The following NLRP3 variants were observed in gnomAD, a reference collection of about 807,000 sequenced individuals.
NLRP3 encodes NLR family pyrin domain containing 3, also known as NACHT, LRR and PYD domains-containing protein 3.
In NLRP3, 48 loss-of-function variants were observed where a neutral mutation model predicts 91.3. The observed-to-expected ratio is 0.53, with a 90% CI of 0.42 to 0.67. The LOEUF is 0.67. NLRP3 is among the 30% of genes least tolerant of loss of function. The probability of loss-of-function intolerance (pLI) is 0.00; values close to 1 mark genes in which losing one functional copy is unlikely to be tolerated. For missense variants in NLRP3, 982 were observed against 1,276.9 expected (o/e 0.77, Z 3.52); for synonymous variants, 561 against 507.9 (o/e 1.10, Z -1.41).
intron 4 of NLRP3, among the ~76,000 whole-genome samples, chr1:247,426,677 G>A (rs1186823981): frequency 6.6e-6 from 1 of 152,232 alleles, no homozygotes; most frequent in Non-Finnish European, 1.5e-5. Flanking sequence ...CCTGGTCACA[G>A]GGACTTGAGG....
chr1:247,435,841 A>T, intron 6 of NLRP3, 129 bp from the exon 7 acceptor site: 1 of 845,980 alleles, frequency 1.2e-6, no homozygotes, highest in South Asian at 1.4e-5. Context: ...AGAAGTGTAC[A>T]TAGAGCTTGT....
chr1:247,422,104 C>T (rs573320197), intron 2 of NLRP3, among the ~76,000 whole-genome samples: 8 of 152,028 alleles, frequency 5.3e-5, no homozygotes, highest in Middle Eastern at 3.4e-3. Context: ...ATGGGCTGGG[C>T]GCAGTGGCTT....
At chr1:247,431,394 C>T (rs1663311271) in intron 5 of NLRP3, among the ~76,000 whole-genome samples, 1 of 152,040 alleles carries the variant, frequency 6.6e-6, no homozygotes, top group South Asian at 2.1e-4. Context: ...TTGCTACCTC[C>T]CTCTCCGGCT....
chr1:247,433,185 C>A (rs553002967), intron 5 of NLRP3, among the ~76,000 whole-genome samples: 2 of 151,194 alleles, frequency 1.3e-5, no homozygotes, highest in Admixed American at 1.3e-4. Flanking sequence ...CCAGCCTGTG[C>A]AACAAAGTGA....
chr1:247,431,311 G>T (rs1663306632), intron 5 of NLRP3, among the ~76,000 whole-genome samples: 1 of 152,166 alleles, frequency 6.6e-6, no homozygotes, highest in Admixed American at 6.5e-5. Flanking sequence ...TCCCTGCTCT[G>T]TGGACGCATG....
intron 2 of NLRP3, among the ~76,000 whole-genome samples, chr1:247,419,371 T>G (rs1662296035): frequency 6.6e-6 from 1 of 151,998 alleles, no homozygotes; most frequent in Non-Finnish European, 1.5e-5. Flanking sequence ...GTCAGGTTGG[T>G]CTCAAACTCC....
At chr1:247,426,153 G>C (rs1207555775) in intron 4 of NLRP3, among the ~76,000 whole-genome samples, 1 of 152,172 alleles carries the variant, frequency 6.6e-6, no homozygotes, top group Non-Finnish European at 1.5e-5. Context: ...CTGAGAAAAA[G>C]TGTGTGCAGG....
At chr1:247,429,276 G>T (rs566485968) in intron 4 of NLRP3, among the ~76,000 whole-genome samples, 1 of 152,232 alleles carries the variant, frequency 6.6e-6, no homozygotes, top group African/African-American at 2.4e-5. Flanking sequence ...AGCACAGAAC[G>T]TTCAGGGCCA....
chr1:247,428,896 CTTTTTTTTT>C (rs1174663389), intron 4 of NLRP3, among the ~76,000 whole-genome samples: 1 of 136,564 alleles, frequency 7.3e-6, no homozygotes, highest in Non-Finnish European at 1.6e-5. Flanking sequence ...TTTTCTTTTT[CTTTTTTTTT>C]TTTTTGAGAT....
At chr1:247,447,184 A>C (rs1664637264) in intron 9 of NLRP3, among the ~76,000 whole-genome samples, 1 of 152,224 alleles carries the variant, frequency 6.6e-6, no homozygotes, top group African/African-American at 2.4e-5. Flanking sequence ...TAGAAAGTCC[A>C]AAATCAAGTC....
intron 1 of NLRP3, among the ~76,000 whole-genome samples, chr1:247,417,616 G>A (rs1662148329): frequency 6.6e-6 from 1 of 152,106 alleles, no homozygotes; most frequent in Admixed American, 6.5e-5. Flanking sequence ...CGAGTAGCTG[G>A]GATTACAGGT....
chr1:247,434,342 G>A, intron 6 of NLRP3, 69 bp downstream of exon 6: 1 of 1,520,722 alleles, frequency 6.6e-7, no homozygotes, highest in Non-Finnish European at 9.0e-7. Context: ...GCTTCAGTGA[G>A]GCCCGGTGGG....
intron 7 of NLRP3, among the ~76,000 whole-genome samples, chr1:247,441,069 ATT>A (rs1664177199): frequency 6.8e-6 from 1 of 147,690 alleles, no homozygotes; most frequent in East Asian, 2.0e-4. Flanking sequence ...TCTTCTTCAG[ATT>A]CCTTCCTTCC....
At chr1:247,421,954 A>G (rs1216847570) in intron 2 of NLRP3, among the ~76,000 whole-genome samples, 1 of 152,140 alleles carries the variant, frequency 6.6e-6, no homozygotes, top group East Asian at 1.9e-4. Flanking sequence ...AGCTATGACC[A>G]TGCCACTGCC....
chr1:247,433,366 G>A (rs1663488000), intron 5 of NLRP3, among the ~76,000 whole-genome samples: 1 of 152,196 alleles, frequency 6.6e-6, no homozygotes, highest in African/African-American at 2.4e-5. Flanking sequence ...TGCCGACTGC[G>A]GGCACGTCAA....
chr1:247,420,569 T>G (rs922919830), intron 2 of NLRP3, among the ~76,000 whole-genome samples: 1 of 152,022 alleles, frequency 6.6e-6, no homozygotes, highest in African/African-American at 2.4e-5. Context: ...CAAAAAAAAT[T>G]AGCCGGGTGT....
intron 4 of NLRP3, among the ~76,000 whole-genome samples, chr1:247,426,424 G>A (rs1662891850): frequency 6.6e-6 from 1 of 152,176 alleles, no homozygotes; most frequent in African/African-American, 2.4e-5. Flanking sequence ...CCTGCAGAAG[G>A]ACCACCCACA....
chr1:247,431,554 C>T (rs896161407), intron 5 of NLRP3, among the ~76,000 whole-genome samples: 4 of 152,178 alleles, frequency 2.6e-5, no homozygotes, highest in South Asian at 2.1e-4. Flanking sequence ...ATCAGCTCCC[C>T]GGGGATGGGG....
At position 247,424,419 on chromosome 1, in the gene NLRP3, G is replaced by T; in HGVS notation, c.970G>T (p.Glu324Ter). Residue 324 changes from glutamate (E) to a stop codon, truncating the protein, a stop_gained, in exon 4 of 10, where the codon GAG becomes TAG. Coordinates refer to ENST00000336119, the MANE Select transcript of NLRP3 (RefSeq NM_001243133.2). LOFTEE classifies it high-confidence loss of function. The surrounding 1 kb of genome is among the most constrained non-coding windows in gnomAD (Gnocchi z 8.1). Reference protein sequence around the residue: ...GPLCTDWQKAERGDILLSSLI... With the variant: ...GPLCTDWQKA ...GCTCTGCACTGACTGGCAGAAGGCC[G>T]AGCGGGGAGACATTCTCCTGAGCAG... is the stretch of plus-strand genomic sequence containing the variant. 1 of 1,614,134 alleles carries T rather than the reference G, an allele frequency of 6.2e-7. No individual in the cohort carries two copies. The highest frequency in any genetic ancestry group is 8.5e-7 in the Non-Finnish European group (1 of 1,180,034).
Sources: allele counts gnomAD v4.1 joint callset (sites outside exome capture counted in the v4.1 genomes callset), GRCh38; gene constraint gnomAD v4.1.1; non-coding constraint Gnocchi (gnomAD v3.1); transcripts MANE v1.5; gene names NCBI Gene and HGNC (gene_info 2026-07-23, HGNC 2026-07-21).